Variants in KATNAL2 observed in about 807,000 individuals in gnomAD.
KATNAL2 encodes katanin catalytic subunit A1 like 2, also known as katanin p60 ATPase-containing subunit A-like 2.
A neutral mutation model predicts 76.3 loss-of-function variants in KATNAL2; 52 were observed. The observed-to-expected ratio is 0.68, with a 90% CI of 0.55 to 0.86. The LOEUF (loss-of-function observed/expected upper bound fraction) is 0.86. Ranked by LOEUF, KATNAL2 falls within the 40% of genes least tolerant of loss-of-function variation. The pLI, the probability that KATNAL2 is intolerant of heterozygous loss-of-function variation, is 0.00. For synonymous variants in KATNAL2, 243 were observed against 244.2 expected, an observed-to-expected ratio of 1.00 and a Z score of 0.05; for missense variants, 660 against 668.9, an observed-to-expected ratio of 0.99 and a Z score of 0.15.
intron 3 of KATNAL2, among the ~76,000 whole-genome samples, chr18:46,950,925 C>G (rs1056206229): frequency 6.6e-6 from 1 of 152,208 alleles, no homozygotes; most frequent in Non-Finnish European, 1.5e-5. Flanking sequence ...CTCAGGTGAT[C>G]TGCCTGCCTC....
intron 3 of KATNAL2, among the ~76,000 whole-genome samples, chr18:46,953,455 G>A (rs1048944292): frequency 1.3e-5 from 2 of 151,994 alleles, no homozygotes; most frequent in African/African-American, 2.4e-5. Context: ...CCTGGGCAAC[G>A]TGATGAAACC....
intron 1 of KATNAL2, among the ~76,000 whole-genome samples, chr18:46,934,698 G>A (rs2059036842): frequency 6.6e-6 from 1 of 152,148 alleles, no homozygotes; most frequent in Admixed American, 6.5e-5. Flanking sequence ...ATTGCTTTTG[G>A]TGTTTTAGAC....
intron 15 of KATNAL2, among the ~76,000 whole-genome samples, chr18:47,095,029 T>C (rs1307842999): frequency 1.3e-5 from 2 of 152,202 alleles, no homozygotes; most frequent in African/African-American, 2.4e-5. Flanking sequence ...ACTCAGATTA[T>C]TTCTTGACTT....
chr18:47,048,903 C>T (rs571265437), intron 4 of KATNAL2, among the ~76,000 whole-genome samples: 1 of 135,236 alleles, frequency 7.4e-6, no homozygotes, highest in Non-Finnish European at 1.5e-5. Context: ...GGCGCGATCT[C>T]GGCTCACTGC....
intron 15 of KATNAL2, chr18:47,098,247 AT>A (rs2147426515): frequency 5.0e-6 from 2 of 396,472 alleles, no homozygotes; most frequent in Non-Finnish European, 9.9e-6. Context: ...GTACTAGTCC[AT>A]TTTCATGCTG....
At position 47,100,866 on chromosome 18, in the gene KATNAL2, A is replaced by G. The variant is rs1568034175; in HGVS notation, c.1478A>G (p.Glu493Gly). ...IFDALENHQS[E>G]SSDLPRIQLD... ...TGTTACTGTTGTGTTCTTATCCTAG[A>G]AAGCAGCGACTTACCCAGGATCCAG... The change falls in exon 18 of 18, where the codon GAA (glutamate) becomes GGA (glycine). Residue 493 changes from glutamate (E) to glycine (G), a missense_variant and splice_region_variant. Coordinates refer to ENST00000683218, the MANE Select transcript of KATNAL2 (RefSeq NM_001387690.1). 6.2e-7 allele frequency: 1 copy of G among 1,614,130 alleles called. No individual in the cohort carries two copies. The highest frequency in any genetic ancestry group is 8.5e-7 in the Non-Finnish European group (1 of 1,180,000).
intron 15 of KATNAL2, among the ~76,000 whole-genome samples, chr18:47,081,996 T>C (rs570697644): frequency 6.6e-6 from 1 of 152,332 alleles, no homozygotes; most frequent in Non-Finnish European, 1.5e-5. Context: ...TTGGTATCTT[T>C]TCTCTAATAG....
intron 11 of KATNAL2, among the ~76,000 whole-genome samples, chr18:47,068,556 G>C (rs1289262773): frequency 1.3e-5 from 2 of 152,154 alleles, no homozygotes; most frequent in Non-Finnish European, 2.9e-5. Flanking sequence ...GTGGAGATTT[G>C]ACATCAGGAT....
chr18:46,933,396 G>C (rs2058992145), intron 1 of KATNAL2, among the ~76,000 whole-genome samples: 1 of 152,172 alleles, frequency 6.6e-6, no homozygotes. Flanking sequence ...GCCCACAGGA[G>C]ATGAAGAGGT....
chr18:47,036,971 G>C (rs976044756), intron 3 of KATNAL2, among the ~76,000 whole-genome samples: 4 of 152,136 alleles, frequency 2.6e-5, no homozygotes, highest in African/African-American at 9.7e-5. Context: ...AGAACCTACA[G>C]GTATATATAT....
At chr18:46,931,737 G>C (rs1009135002) in intron 1 of KATNAL2, among the ~76,000 whole-genome samples, 4 of 151,170 alleles carry the variant, frequency 2.6e-5, no homozygotes, top group African/African-American at 9.7e-5. Flanking sequence ...GAGAGAGAGG[G>C]AGAGGGGGAG....
At chr18:47,065,515 C>A (rs2061763303) in intron 10 of KATNAL2, among the ~76,000 whole-genome samples, 1 of 152,010 alleles carries the variant, frequency 6.6e-6, no homozygotes, top group Admixed American at 6.6e-5. Flanking sequence ...TTTCTAGAGA[C>A]CCCATTAGCT....
chr18:47,089,676 T>C (rs975628853), intron 15 of KATNAL2, among the ~76,000 whole-genome samples: 4 of 152,194 alleles, frequency 2.6e-5, no homozygotes, highest in Non-Finnish European at 4.4e-5. Flanking sequence ...CCTAAACTCA[T>C]TGTTTCCATT....
chr18:47,097,920 G>A (rs944256280), intron 15 of KATNAL2, among the ~76,000 whole-genome samples: 4 of 152,096 alleles, frequency 2.6e-5, no homozygotes, highest in Admixed American at 1.3e-4. Context: ...AATATGGACT[G>A]AGCATTAGAC....
intron 3 of KATNAL2, among the ~76,000 whole-genome samples, chr18:47,037,549 C>G (rs2060822522): frequency 6.6e-6 from 1 of 151,964 alleles, no homozygotes; most frequent in Admixed American, 6.5e-5. Flanking sequence ...TTTTTTAATT[C>G]AGAAGATAAT....
At chr18:46,930,666 A>G (rs2058879322) in intron 1 of KATNAL2, among the ~76,000 whole-genome samples, 1 of 151,430 alleles carries the variant, frequency 6.6e-6, no homozygotes, top group Non-Finnish European at 1.5e-5. Flanking sequence ...AAATACAAAA[A>G]TTAGTGGGTG....
intron 13 of KATNAL2, among the ~76,000 whole-genome samples, chr18:47,071,830 T>G (rs1466377790): frequency 6.6e-6 from 1 of 151,248 alleles, no homozygotes; most frequent in East Asian, 1.9e-4. Flanking sequence ...AAAGTTTTCC[T>G]CTGGTTCAGT....
In KATNAL2 at chr18:46,917,778, G is replaced by A. The variant is rs936929619; in HGVS notation, c.-658G>A. ...CCTGGCCTCGGGAAGTGGCGGGGAG[G>A]AAGAAGAGGCGGCCGGGACGCGTGA... On this transcript the variant is annotated 5_prime_UTR_variant, in exon 1 of 18. Transcript: ENST00000683218. 6 of 160,592 alleles carry A rather than the reference G, an allele frequency of 3.7e-5. No homozygotes were observed. Among genetic ancestry groups the A allele is most frequent in the Middle Eastern group, 3.3e-3 (1 of 304 alleles). 9.9% of individuals were successfully genotyped at this position (160,592 alleles called of 1,614,324 possible).
chr18:47,034,067 C>A, intron 3 of KATNAL2: 3 of 1,614,196 alleles, frequency 1.9e-6, no homozygotes, highest in Non-Finnish European at 2.5e-6. Context: ...GCAGATTTTC[C>A]AGTCTTTTTC....
Sources: allele counts gnomAD v4.1 joint callset (sites outside exome capture counted in the v4.1 genomes callset), GRCh38; gene constraint gnomAD v4.1.1; transcripts MANE v1.5; gene names NCBI Gene and HGNC (gene_info 2026-07-23, HGNC 2026-07-21).